ABHD12: variants seen among roughly 807,000 people sequenced by gnomAD.
ABHD12 encodes the protein abhydrolase domain containing 12, lysophospholipase.
Under a neutral mutation model 58.3 loss-of-function variants are expected in ABHD12, and 43 were observed. The observed-to-expected ratio is 0.74, with a 90% CI of 0.58 to 0.95. ABHD12 has a LOEUF of 0.95. ABHD12 is among the 40% of genes least tolerant of loss of function. The pLI is 0.00. For synonymous variants in ABHD12, 219 were observed against 211.2 expected, an observed-to-expected ratio of 1.04 and a Z score of -0.32; for missense variants, 539 against 537.2, an observed-to-expected ratio of 1.00 and a Z score of -0.03.
chr20:25,372,406 T>C (rs1454030645), intron 1 of ABHD12, among the ~76,000 whole-genome samples: 1 of 152,144 alleles, frequency 6.6e-6, no homozygotes, highest in Non-Finnish European at 1.5e-5. Context: ...AGTTTGGCTA[T>C]GTTTCCCAGG....
At chr20:25,332,493 C>T (rs1212812942) in intron 2 of ABHD12, among the ~76,000 whole-genome samples, 1 of 151,542 alleles carries the variant, frequency 6.6e-6, no homozygotes, top group Non-Finnish European at 1.5e-5. Context: ...CCCAAATCAA[C>T]AGAATATACA....
chr20:25,339,055 C>T, intron 2 of ABHD12, 172 bp downstream of exon 2: 1 of 1,395,378 alleles, frequency 7.2e-7, no homozygotes, highest in Non-Finnish European at 9.4e-7. Context: ...GGTAGCTCTA[C>T]CTATCTATCT....
intron 6 of ABHD12, among the ~76,000 whole-genome samples, chr20:25,314,635 T>C (rs911832324): frequency 2.7e-5 from 4 of 150,528 alleles, no homozygotes; most frequent in East Asian, 3.9e-4. Context: ...GCTACAATCA[T>C]GCTACTGTAC....
At chr20:25,302,566 C>T (rs752849584) in intron 11 of ABHD12, among the ~76,000 whole-genome samples, 4 of 152,198 alleles carry the variant, frequency 2.6e-5, no homozygotes, top group Non-Finnish European at 5.9e-5. Flanking sequence ...AAGATACTGT[C>T]CTCACACCTT....
intron 2 of ABHD12, among the ~76,000 whole-genome samples, chr20:25,326,941 T>G (rs2089186395): frequency 6.6e-6 from 1 of 152,202 alleles, no homozygotes. Flanking sequence ...ACTGTTCCCT[T>G]AAATGCAGTG....
intron 1 of ABHD12, among the ~76,000 whole-genome samples, chr20:25,370,684 C>T (rs1293250154): frequency 6.6e-6 from 1 of 152,142 alleles, no homozygotes; most frequent in African/African-American, 2.4e-5. Context: ...ACTTAACCAT[C>T]CATGCCTTGG....
intron 2 of ABHD12, chr20:25,338,793 G>A (rs965918951): frequency 4.8e-5 from 48 of 993,990 alleles, no homozygotes; most frequent in Non-Finnish European, 5.5e-5. Context: ...TCTTTTCCAA[G>A]GGCAGCTAGG....
chr20:25,361,478 TAC>T (rs1424174125), intron 1 of ABHD12, among the ~76,000 whole-genome samples: 3 of 152,188 alleles, frequency 2.0e-5, no homozygotes, highest in Non-Finnish European at 2.9e-5. Context: ...TCACTGGAAT[TAC>T]AGACATGCGC....
intron 1 of ABHD12, among the ~76,000 whole-genome samples, chr20:25,379,189 T>C (rs1368032295): frequency 6.6e-6 from 1 of 152,164 alleles, no homozygotes; most frequent in Non-Finnish European, 1.5e-5. Context: ...CACTCAACTA[T>C]GCAGAACATG....
At chr20:25,341,596 G>T (rs6115149) in intron 1 of ABHD12, among the ~76,000 whole-genome samples, 1 of 152,090 alleles carries the variant, frequency 6.6e-6, no homozygotes, top group Admixed American at 6.5e-5. Context: ...CCTTTGTGTA[G>T]GTTCCTGGAA....
chr20:25,303,940 T>C (rs2088687834), intron 10 of ABHD12, among the ~76,000 whole-genome samples: 1 of 152,208 alleles, frequency 6.6e-6, no homozygotes. Context: ...CCAAGAAACT[T>C]AGTGTAAATG....
intron 1 of ABHD12, chr20:25,368,649 G>A: frequency 7.3e-7 from 1 of 1,369,812 alleles, no homozygotes; most frequent in Non-Finnish European, 1.0e-6. Context: ...TCTCGCCAGT[G>A]CTCAGAGCAT....
At chr20:25,323,564 C>G (rs976214726) in intron 2 of ABHD12, 134 bp from the exon 3 acceptor site, 1 of 705,708 alleles carries the variant, frequency 1.4e-6, no homozygotes, top group Non-Finnish European at 2.6e-6. Context: ...CACCCACATG[C>G]ACACACTGCA....
intron 6 of ABHD12, among the ~76,000 whole-genome samples, chr20:25,311,756 G>A (rs1361085427): frequency 6.6e-6 from 1 of 152,194 alleles, no homozygotes; most frequent in Non-Finnish European, 1.5e-5. Flanking sequence ...TCAGGCTGGA[G>A]TGCGGTGGCA....
chr20:25,327,421 C>T (rs1003885616), intron 2 of ABHD12, among the ~76,000 whole-genome samples: 1 of 150,506 alleles, frequency 6.6e-6, no homozygotes, highest in East Asian at 1.9e-4. Context: ...GAGCTGAGAT[C>T]ACGCCATTGC....
At chr20:25,351,152 C>T (rs543860994) in intron 1 of ABHD12, among the ~76,000 whole-genome samples, 1 of 152,280 alleles carries the variant, frequency 6.6e-6, no homozygotes, top group East Asian at 1.9e-4. Context: ...CAATTTGGAT[C>T]TAAGTTGGTG....
intron 1 of ABHD12, among the ~76,000 whole-genome samples, chr20:25,347,017 C>T (rs1423869230): frequency 6.6e-6 from 1 of 152,102 alleles, no homozygotes; most frequent in Non-Finnish European, 1.5e-5. Context: ...TTGGACTCCA[C>T]AGAAAACCTG....
chr20:25,304,584 T>G (rs6076331), intron 10 of ABHD12, among the ~76,000 whole-genome samples: 14,996 of 152,320 alleles, frequency 0.098, 956 homozygotes, highest in Non-Finnish European at 0.14. Context: ...TTATTTTTTA[T>G]TTTGAGATGA....
At chr20:25,373,894 C>A (rs1426908950) in intron 1 of ABHD12, among the ~76,000 whole-genome samples, 1 of 152,064 alleles carries the variant, frequency 6.6e-6, no homozygotes, top group Non-Finnish European at 1.5e-5. Flanking sequence ...GTATAATAGG[C>A]TACCTGAAGT....
Sources: allele counts gnomAD v4.1 joint callset (sites outside exome capture counted in the v4.1 genomes callset), GRCh38; gene constraint gnomAD v4.1.1; transcripts MANE v1.5; gene names NCBI Gene and HGNC (gene_info 2026-07-23, HGNC 2026-07-21).